The following ODR4 variants were observed in gnomAD, a reference collection of about 807,000 sequenced individuals.
The protein encoded by ODR4 is protein odr-4 homolog.
ODR4 carries 47 observed loss-of-function variants against 60.2 expected under a neutral mutation model. The observed-to-expected ratio is 0.78, with a 90% CI of 0.62 to 1.00. The LOEUF (loss-of-function observed/expected upper bound fraction) is 1.00. ODR4 is among the 50% of genes least tolerant of loss of function. ODR4 has a pLI of 0.00. For missense variants in ODR4, 488 were observed against 530.8 expected (o/e 0.92, Z 0.79); for synonymous variants, 178 against 175.5 (o/e 1.01, Z -0.11).
the ODR4 span, among the ~76,000 whole-genome samples, chr1:186,433,543 C>T: frequency 6.6e-6 from 1 of 152,000 alleles, no homozygotes; most frequent in Non-Finnish European, 1.5e-5. Context: ...AAAGTGGCTA[C>T]TTTACTAATT....
chr1:186,401,145 C>T, intron 11 of ODR4: 1 of 1,595,884 alleles, frequency 6.3e-7, no homozygotes, highest in Non-Finnish European at 8.6e-7. Context: ...TATTATATGG[C>T]TATCCTGGTA....
downstream of ODR4, among the ~76,000 whole-genome samples, chr1:186,423,439 T>A (rs556482114): frequency 7.0e-6 from 1 of 143,612 alleles, no homozygotes; most frequent in Admixed American, 7.2e-5. Flanking sequence ...CACCACTACT[T>A]GTGCTTTTTT....
At position 186,398,410 on chromosome 1, in the gene ODR4, G is replaced by A. The variant is rs374378890; in HGVS notation, c.878G>A (p.Ser293Asn). 1.4e-5 allele frequency: 22 copies of A among 1,607,088 alleles called. No individual in the cohort carries two copies. Among genetic ancestry groups the A allele is most frequent in the South Asian group, 3.3e-5 (3 of 90,240 alleles). Reference protein sequence around the residue: ...GAVKCRAYIHSSKPKVKDAVQ... With the variant: ...GAVKCRAYIHNSKPKVKDAVQ... ...GTGAAATGCAGAGCTTATATCCACA[G>A]CAGTAAACCCAAAGTTAAAGATGCT... The change falls in exon 10 of 14, where the codon AGC becomes AAC. Residue 293 changes from serine (S) to asparagine (N), a missense_variant. Coordinates refer to ENST00000287859, the MANE Select transcript of ODR4 (RefSeq NM_017847.6).
downstream of ODR4, among the ~76,000 whole-genome samples, chr1:186,426,246 C>T (rs536765016): frequency 7.1e-4 from 108 of 152,276 alleles, no homozygotes; most frequent in Non-Finnish European, 1.0e-3. Flanking sequence ...TCTTTTGCTC[C>T]ACAACAAACA....
intron 3 of ODR4, among the ~76,000 whole-genome samples, chr1:186,383,982 T>C (rs1660147887): frequency 6.6e-6 from 1 of 152,144 alleles, no homozygotes; most frequent in Non-Finnish European, 1.5e-5. Context: ...GAGGTTGCAA[T>C]GAGCCAAGAT....
intron 12 of ODR4, among the ~76,000 whole-genome samples, chr1:186,409,141 C>T (rs937625966): frequency 2.0e-5 from 3 of 150,848 alleles, no homozygotes; most frequent in Admixed American, 6.6e-5. Flanking sequence ...TTCAATGGGC[C>T]GTGTTTACAC....
chr1:186,401,165 A>C, intron 11 of ODR4: 1 of 1,592,636 alleles, frequency 6.3e-7, no homozygotes, highest in Non-Finnish European at 8.6e-7. Context: ...ATTCTTTCAT[A>C]TTGTTAGTAC....
chr1:186,413,626 C>G (rs550812587), intron 12 of ODR4, among the ~76,000 whole-genome samples: 250 of 152,194 alleles, frequency 1.6e-3, no homozygotes, highest in African/African-American at 5.4e-3. Context: ...TCTGGTGAAC[C>G]TCATCTTTGC....
the ODR4 span, among the ~76,000 whole-genome samples, chr1:186,426,445 C>T: frequency 6.6e-6 from 1 of 152,178 alleles, no homozygotes; most frequent in Non-Finnish European, 1.5e-5. Context: ...TTTTCCTTCA[C>T]GTGACTTTTC....
chr1:186,379,035 A>G (rs1659911186), intron 1 of ODR4, among the ~76,000 whole-genome samples: 1 of 152,190 alleles, frequency 6.6e-6, no homozygotes, highest in Non-Finnish European at 1.5e-5. Flanking sequence ...ATTTGACTCT[A>G]CCTCCTAATG....
the ODR4 span, among the ~76,000 whole-genome samples, chr1:186,429,039 C>G: frequency 6.6e-6 from 1 of 152,108 alleles, no homozygotes; most frequent in Non-Finnish European, 1.5e-5. Context: ...TTCAAGACCA[C>G]TCTAGGCAAC....
chr1:186,429,175 T>C, the ODR4 span, among the ~76,000 whole-genome samples: 4 of 152,026 alleles, frequency 2.6e-5, no homozygotes, highest in African/African-American at 9.7e-5. Context: ...CACCTAAGCC[T>C]GGGAGGCCGA....
the ODR4 span, among the ~76,000 whole-genome samples, chr1:186,427,481 C>T: frequency 6.7e-6 from 1 of 148,988 alleles, no homozygotes; most frequent in Non-Finnish European, 1.5e-5. Flanking sequence ...TCTTTAGGCT[C>T]CACTTCTAAT....
chr1:186,401,458 G>T, intron 11 of ODR4: 1 of 217,258 alleles, frequency 4.6e-6, no homozygotes, highest in Non-Finnish European at 9.2e-6. Flanking sequence ...TATAGGCATC[G>T]TCCGTCTTTC....
At chr1:186,387,129 C>G (rs997856272) in intron 4 of ODR4, among the ~76,000 whole-genome samples, 5 of 152,106 alleles carry the variant, frequency 3.3e-5, no homozygotes, top group Non-Finnish European at 7.4e-5. Flanking sequence ...AAATATACAG[C>G]TGAGAACTTC....
intron 11 of ODR4, among the ~76,000 whole-genome samples, chr1:186,403,341 A>G (rs1430012223): frequency 1.3e-5 from 2 of 152,074 alleles, no homozygotes; most frequent in Admixed American, 6.5e-5. Flanking sequence ...ATATAAAATA[A>G]TCATCATGGA....
the ODR4 span, among the ~76,000 whole-genome samples, chr1:186,431,965 G>A: frequency 6.6e-6 from 1 of 152,132 alleles, no homozygotes; most frequent in Non-Finnish European, 1.5e-5. Flanking sequence ...TGTGATTAAT[G>A]CAAGATTAAG....
In ODR4 at chr1:186,388,607, A is replaced by G. The variant is rs112374017; in HGVS notation, c.437+59A>G. The stretch of plus-strand genomic sequence containing the variant: ...AAAGTACCAAAATAATATTCTTGCA[A>G]GGTTTTTTTGCTATTTATTTAAATC... On this transcript the variant is annotated intron_variant, in intron 5 of 13. Transcript: ENST00000287859. 2.5e-5 allele frequency: 25 copies of G among 984,426 alleles called. 2 individuals are homozygous for G. The African/African-American group carries it at 2.7e-4, about 11-fold the overall frequency. The allele number at this position is 984,426 out of a possible 1,614,324, so 61.0% of individuals were successfully genotyped here.
At chr1:186,382,909 A>G in intron 2 of ODR4, 113 bp from the exon 3 acceptor site, 5 of 1,106,398 alleles carry the variant, frequency 4.5e-6, no homozygotes, top group Non-Finnish European at 2.5e-6. Context: ...TTAACCTGTT[A>G]CAAATATTAC....
Sources: gnomAD v4.1 joint callset for allele counts (sites outside exome capture counted in the v4.1 genomes callset) on GRCh38, gnomAD v4.1.1 for gene constraint, MANE v1.5 for transcripts, NCBI Gene and HGNC (gene_info 2026-07-23, HGNC 2026-07-21) for gene names.